The following RC3H1 variants were observed in gnomAD, a reference collection of about 807,000 sequenced individuals.
The protein encoded by RC3H1 is roquin-1.
Under a neutral mutation model 138.2 loss-of-function variants are expected in RC3H1, and 50 were observed. The ratio of observed to expected loss-of-function variants is 0.36; its 90% confidence interval spans 0.29 to 0.46. RC3H1 has a LOEUF of 0.46. RC3H1 is among the 20% of genes least tolerant of loss of function. RC3H1 has a pLI of 1.00. For synonymous variants in RC3H1, 462 were observed against 489.1 expected, an observed-to-expected ratio of 0.94 and a Z score of 0.73; for missense variants, 1,031 against 1,388.1, an observed-to-expected ratio of 0.74 and a Z score of 4.09.
intron 1 of RC3H1, among the ~76,000 whole-genome samples, chr1:173,995,527 C>A (rs1282128808): frequency 2.0e-5 from 3 of 148,064 alleles, no homozygotes; most frequent in Non-Finnish European, 4.5e-5. Context: ...GAGCAAGACT[C>A]CATCTCAAAA....
intron 2 of RC3H1, among the ~76,000 whole-genome samples, chr1:173,988,268 T>C (rs1356669115): frequency 6.6e-6 from 1 of 152,218 alleles, no homozygotes; most frequent in Non-Finnish European, 1.5e-5. Context: ...CAACCACTGA[T>C]ACTTTTATTG....
In RC3H1 at chr1:173,947,562, C is replaced by T. The variant is rs1397551629; in HGVS notation, c.2544G>A (p.Met848Ile). ...VEMMNVESKG[M>I]RDQRLDLQRR... ...TCTGAAGATCTAATCGCTGGTCCCT[C>T]ATTCCTTTACTCTCCACATTCTGAT... Residue 848 changes from methionine to isoleucine, a missense_variant, in exon 15 of 20, where the codon ATG (methionine) becomes ATA (isoleucine). Physicochemically the swap from Met to Ile is conservative, Grantham distance 10. This residue lies in a region of RC3H1 where 716 missense variants were observed against 837.9 expected (regional missense o/e 0.85). Transcript: ENST00000367696. 5.6e-6 allele frequency: 9 copies of T among 1,613,942 alleles called. No individual in the cohort carries two copies. Among genetic ancestry groups the T allele is most frequent in the Non-Finnish European group, 7.6e-6 (9 of 1,179,950 alleles).
chr1:173,964,128 G>T lies in RC3H1; in HGVS notation c.1676C>A (p.Pro559Gln). ...ALPVNPHSIP[P>Q]RGPADLPPMP... ...TGGAGGCAGATCTGCTGGCCCCCTTGGAGGTATAGAATGTGGATTCACAGG... is the reference window on the plus strand; with the variant it reads ...TGGAGGCAGATCTGCTGGCCCCCTTTGAGGTATAGAATGTGGATTCACAGG... Residue 559 changes from proline (P) to glutamine (Q), a missense_variant, in exon 11 of 20, where the codon CCA becomes CAA. Pro to Gln is a moderately conservative substitution (Grantham distance 76). This residue lies in a region of RC3H1 where 716 missense variants were observed against 837.9 expected (regional missense o/e 0.85). Coordinates refer to ENST00000367696, the MANE Select transcript of RC3H1 (RefSeq NM_172071.4). 1 of 1,614,096 alleles carries T rather than the reference G, an allele frequency of 6.2e-7. No homozygotes were observed. Among genetic ancestry groups the T allele is most frequent in the East Asian group, 2.2e-5 (1 of 44,876 alleles).
intron 12 of RC3H1, 132 bp from the exon 13 acceptor site, chr1:173,961,376 T>C: frequency 1.3e-6 from 1 of 748,620 alleles, no homozygotes; most frequent in Non-Finnish European, 2.1e-6. Context: ...ACACCAACAC[T>C]TAACAGAACA....
At chr1:173,969,134 C>T (rs181789697) in intron 9 of RC3H1, among the ~76,000 whole-genome samples, 31 of 151,648 alleles carry the variant, frequency 2.0e-4, no homozygotes, top group Non-Finnish European at 2.1e-4. Flanking sequence ...TGGGAGCCAC[C>T]GGCGCCTGGC....
In RC3H1 at chr1:173,932,015, C is replaced by T. The variant is rs1658399502; in HGVS notation, c.*6706G>A. 1 of 151,822 alleles carries T rather than the reference C, an allele frequency of 6.6e-6. No homozygotes were observed. Among genetic ancestry groups the T allele is most frequent in the Non-Finnish European group, 1.5e-5 (1 of 67,946 alleles). 9.4% of individuals were successfully genotyped at this position (151,822 alleles called of 1,614,324 possible). ...AAACTTTAAAAAATGGTAAGTCTAC[C>T]ACTGATTTATAAGAGCAGGAGTATA... On this transcript the variant is annotated 3_prime_UTR_variant, in exon 20 of 20. Transcript: ENST00000367696.
intron 1 of RC3H1, among the ~76,000 whole-genome samples, chr1:173,997,694 A>G (rs1661486904): frequency 6.6e-6 from 1 of 152,208 alleles, no homozygotes; most frequent in Non-Finnish European, 1.5e-5. Context: ...ATTAAAAATA[A>G]AAGCATTATT....
At chr1:173,952,314 C>T (rs1350415969) in intron 13 of RC3H1, among the ~76,000 whole-genome samples, 176 bp from the exon 14 acceptor site, 2 of 134,812 alleles carry the variant, frequency 1.5e-5, no homozygotes, top group African/African-American at 5.6e-5. Context: ...TTTTTGTAAA[C>T]TACTATGAAA....
intron 1 of RC3H1, among the ~76,000 whole-genome samples, chr1:173,994,193 A>T (rs927309521): frequency 6.6e-6 from 1 of 151,842 alleles, no homozygotes; most frequent in African/African-American, 2.4e-5. Flanking sequence ...GGAGTTCAAG[A>T]CCAGACTGGC....
At chr1:174,006,408 A>G (rs1661654021) in intron 1 of RC3H1, among the ~76,000 whole-genome samples, 1 of 152,106 alleles carries the variant, frequency 6.6e-6, no homozygotes. Context: ...AACCTTTCCA[A>G]CAACCTTCTG....
Position 173,980,841 on chromosome 1 carries a change from G to T in RC3H1, c.937C>A (p.His313Asn). ...ATAATGGACTGCATATGAGATTTGT[G>T]AGACTGGTCTCCATAAAGCAAAGAG... ...WSSLLYGDQS[H>N]KSHMQSIIDK... Residue 313 changes from histidine (H) to asparagine (N), a missense_variant, in exon 6 of 20, where the codon CAC (histidine) becomes AAC (asparagine). Transcript: ENST00000367696. 1 of 1,614,066 alleles carries T rather than the reference G, an allele frequency of 6.2e-7. No individual in the cohort carries two copies. Among genetic ancestry groups the T allele is most frequent in the Non-Finnish European group, 8.5e-7 (1 of 1,179,998 alleles).
chr1:173,948,937 T>C, intron 14 of RC3H1, among the ~76,000 whole-genome samples: 1 of 152,046 alleles, frequency 6.6e-6, no homozygotes, highest in East Asian at 1.9e-4. Flanking sequence ...ATTTTGCTAA[T>C]ACTCGTGTTA....
rs1354758656 is a variant in RC3H1 at position 173,935,253 on chromosome 1, A to G, written c.*3468T>C. 1 of 152,234 alleles carries G rather than the reference A, an allele frequency of 6.6e-6. No homozygotes were observed. Among genetic ancestry groups the G allele is most frequent in the Non-Finnish European group, 1.5e-5 (1 of 68,032 alleles). The allele number at this position is 152,234 out of a possible 1,614,324, so 9.4% of individuals were successfully genotyped here. ...AAATTATATATAAATTAGGCAAAAG[A>G]GCTACATATAAACCAGAAATGGAAT... is the stretch of plus-strand genomic sequence containing the variant. On this transcript the variant is annotated 3_prime_UTR_variant, in exon 20 of 20. Coordinates refer to ENST00000367696, the MANE Select transcript of RC3H1 (RefSeq NM_172071.4).
Position 173,978,744 on chromosome 1 carries a change from A to C in RC3H1, c.970-124T>G. ...ATTTTTATCTTCCCATATACCCTAC[A>C]CTTTGGCCAGAGTAGATTACTTGCT... On this transcript the variant is annotated intron_variant, in intron 6 of 19. Transcript: ENST00000367696. 4.0e-6 allele frequency: 4 copies of C among 1,008,672 alleles called. No individual in the cohort carries two copies. In the South Asian group the frequency reaches 7.5e-5, roughly 19 times the overall value. 62.5% of individuals were successfully genotyped at this position (1,008,672 alleles called of 1,614,324 possible).
chr1:174,020,899 C>T (rs536351408), intron 1 of RC3H1, among the ~76,000 whole-genome samples: 2 of 152,240 alleles, frequency 1.3e-5, no homozygotes, highest in African/African-American at 4.8e-5. Context: ...ATCCCAGCTA[C>T]TCCGGATGGT....
In RC3H1 at chr1:173,982,886, A is replaced by C; in HGVS notation, c.609T>G (p.Ala203=). The change falls in exon 5 of 20, where the codon GCT becomes GCG. Residue 203 remains alanine (A), a synonymous_variant. Coordinates refer to ENST00000367696, the MANE Select transcript of RC3H1 (RefSeq NM_172071.4). The part of the protein sequence containing the change: ...QFLGPAMQEE[A]LKLVLLALED... ...CTAAGGCCAGCAGAACCAACTTTAA[A>C]GCTTCCTCCTGCATTGCTAGGGAAA... 6.2e-7 allele frequency: 1 copy of C among 1,611,230 alleles called. No homozygotes were observed. The highest frequency in any genetic ancestry group is 1.3e-5 in the African/African-American group (1 of 74,882).
At chr1:173,977,359 T>C (rs1305968994) in intron 7 of RC3H1, among the ~76,000 whole-genome samples, 1 of 152,122 alleles carries the variant, frequency 6.6e-6, no homozygotes, top group East Asian at 1.9e-4. Context: ...TATAGGGGTA[T>C]TGTGAAAGAA....
chr1:173,998,032 T>C (rs995914238), intron 1 of RC3H1, among the ~76,000 whole-genome samples: 3 of 152,134 alleles, frequency 2.0e-5, no homozygotes, highest in Non-Finnish European at 4.4e-5. Flanking sequence ...ATTTACTAAA[T>C]ACAATAAGCA....
At chr1:174,002,454 G>T (rs1661580969) in intron 1 of RC3H1, among the ~76,000 whole-genome samples, 1 of 152,120 alleles carries the variant, frequency 6.6e-6, no homozygotes, top group Non-Finnish European at 1.5e-5. Flanking sequence ...ATTTTAGAGG[G>T]TGGCACTAAT....
Sources: allele counts gnomAD v4.1 joint callset (sites outside exome capture counted in the v4.1 genomes callset), GRCh38; gene constraint gnomAD v4.1.1; regional missense constraint gnomAD v4.1.1; transcripts MANE v1.5; gene names NCBI Gene and HGNC (gene_info 2026-07-23, HGNC 2026-07-21).